Variants in PARD3 observed in about 807,000 individuals in gnomAD.
PARD3 encodes par-3 family cell polarity regulator, also known as partitioning defective 3 homolog.
PARD3 carries 75 observed loss-of-function variants against 155.4 expected under a neutral mutation model. That is an observed-to-expected ratio of 0.48 (90% confidence interval 0.40 to 0.58). PARD3 has a LOEUF of 0.58. Among genes scored for constraint, PARD3 ranks in the 20% least tolerant of loss-of-function variants. PARD3 has a pLI of 0.00. For synonymous variants in PARD3, 576 were observed against 610.5 expected (o/e 0.94, Z 0.83); for missense variants, 1,642 against 1,721.7 (o/e 0.95, Z 0.82).
At chr10:34,391,172 T>C (rs1842836997) in intron 7 of PARD3, among the ~76,000 whole-genome samples, 1 of 152,130 alleles carries the variant, frequency 6.6e-6, no homozygotes, top group Non-Finnish European at 1.5e-5. Context: ...CACCCTTTGC[T>C]GACCTTCTAT....
chr10:34,331,309 G>T lies in PARD3; in HGVS notation c.2641C>A (p.Leu881Met), dbSNP rs372479448. 4.3e-6 allele frequency: 7 copies of T among 1,613,690 alleles called. No individual in the cohort carries two copies. In the African/African-American group the frequency reaches 8.0e-5, roughly 18 times the overall value. Residue 881 changes from leucine to methionine, a missense_variant, in exon 19 of 25, where the codon CTG becomes ATG. Transcript: ENST00000374788. ...PSRDVGPSLG[L>M]KKSSSLESLQ... ...CTCTCCAACGAGCTTGACTTCTTCA[G>T]ACCCAGGGAAGGACCCACATCTCTG...
chr10:34,114,175 T>C (rs1334555891), intron 24 of PARD3, among the ~76,000 whole-genome samples: 7 of 151,778 alleles, frequency 4.6e-5, no homozygotes, highest in Non-Finnish European at 8.8e-5. Flanking sequence ...GGTGGGAGAA[T>C]TGCTTGAGCC....
At chr10:34,369,169 A>G (rs1019647635) in intron 12 of PARD3, among the ~76,000 whole-genome samples, 1 of 152,144 alleles carries the variant, frequency 6.6e-6, no homozygotes, top group African/African-American at 2.4e-5. Flanking sequence ...TTTCAATAGG[A>G]TAATATCACC....
At chr10:34,278,495 C>T (rs918242130) in intron 21 of PARD3, among the ~76,000 whole-genome samples, 10 of 152,258 alleles carry the variant, frequency 6.6e-5, no homozygotes, top group African/African-American at 2.2e-4. Flanking sequence ...ATAATCCCCA[C>T]GTGTCATGGG....
chr10:34,737,378 T>C, intron 1 of PARD3, among the ~76,000 whole-genome samples: 1 of 152,128 alleles, frequency 6.6e-6, no homozygotes, highest in South Asian at 2.1e-4. Flanking sequence ...CATTTTGCCT[T>C]AAAGGACAGC....
intron 22 of PARD3, among the ~76,000 whole-genome samples, chr10:34,227,060 A>G (rs918024327): frequency 1.4e-4 from 21 of 152,240 alleles, no homozygotes; most frequent in African/African-American, 5.1e-4. Flanking sequence ...AAAAGAAACT[A>G]TCAACAGAGT....
At chr10:34,339,199 C>A (rs1032113928) in intron 16 of PARD3, among the ~76,000 whole-genome samples, 3 of 152,108 alleles carry the variant, frequency 2.0e-5, no homozygotes, top group African/African-American at 7.2e-5. Context: ...CACATGCTAA[C>A]CAATTCTTTT....
chr10:34,574,340 T>C (rs1409778776), intron 2 of PARD3, among the ~76,000 whole-genome samples: 1 of 152,218 alleles, frequency 6.6e-6, no homozygotes. Flanking sequence ...CAGACATATC[T>C]AGTCTCTCAG....
chr10:34,672,360 A>AG (rs1450569755), intron 2 of PARD3, among the ~76,000 whole-genome samples: 1 of 152,214 alleles, frequency 6.6e-6, no homozygotes, highest in African/African-American at 2.4e-5. Context: ...CTGAGCACCC[A>AG]CTCATTCTAA....
At chr10:34,814,472 G>C (rs866250339) in intron 1 of PARD3, among the ~76,000 whole-genome samples, 98 of 152,218 alleles carry the variant, frequency 6.4e-4, no homozygotes, top group African/African-American at 2.2e-3. Flanking sequence ...TGTGCCCCCG[G>C]GGCCTGGGAG....
chr10:34,438,058 G>A (rs1231779599), intron 5 of PARD3, among the ~76,000 whole-genome samples: 1 of 152,092 alleles, frequency 6.6e-6, no homozygotes, highest in Non-Finnish European at 1.5e-5. Context: ...AGCCTCTGGA[G>A]AGCCAGGTGG....
chr10:34,508,732 CA>C (rs2081231270), intron 3 of PARD3, among the ~76,000 whole-genome samples: 1 of 152,146 alleles, frequency 6.6e-6, no homozygotes, highest in African/African-American at 2.4e-5. Flanking sequence ...AGTTCCACTC[CA>C]TCTACCTAAG....
chr10:34,331,431 T>C (rs1835604455), intron 18 of PARD3, 87 bp from the exon 19 acceptor site: 3 of 738,838 alleles, frequency 4.1e-6, no homozygotes, highest in Admixed American at 2.3e-5. Flanking sequence ...TTCAGGTACA[T>C]AACAATTATT....
chr10:34,155,008 A>G (rs1166706194), intron 22 of PARD3, among the ~76,000 whole-genome samples: 1 of 152,218 alleles, frequency 6.6e-6, no homozygotes. Context: ...AATAGACAAG[A>G]CATTAAGTGA....
At chr10:34,310,507 A>G (rs1957645847) in intron 20 of PARD3, among the ~76,000 whole-genome samples, 1 of 152,210 alleles carries the variant, frequency 6.6e-6, no homozygotes, top group African/African-American at 2.4e-5. Flanking sequence ...TTCTATATTC[A>G]TGCCACAGGT....
chr10:34,692,113 T>C (rs1335820694), intron 2 of PARD3, among the ~76,000 whole-genome samples: 2 of 151,854 alleles, frequency 1.3e-5, no homozygotes, highest in African/African-American at 2.4e-5. Flanking sequence ...GCACCTGTAA[T>C]CCCAGCTACT....
chr10:34,672,637 C>A (rs2093629954), intron 2 of PARD3, among the ~76,000 whole-genome samples: 1 of 152,186 alleles, frequency 6.6e-6, no homozygotes, highest in Non-Finnish European at 1.5e-5. Context: ...GAGCTATGAT[C>A]ACACTACTGA....
chr10:34,525,865 G>A (rs1387609499), intron 2 of PARD3, among the ~76,000 whole-genome samples: 4 of 151,922 alleles, frequency 2.6e-5, no homozygotes, highest in Non-Finnish European at 5.9e-5. Context: ...GGTAGATCAT[G>A]AGGTCAAGAG....
rs181137551 is a variant in PARD3, at chr10:34,509,202, A to G, written c.403+7777T>C. Among the ~76,000 whole-genome samples, 18 of 152,330 alleles carry G rather than the reference A, an allele frequency of 1.2e-4. 1 individual carries two copies. The highest frequency in any genetic ancestry group is 4.1e-4 in the African/African-American group (17 of 41,574). On this transcript the variant is annotated intron_variant, in intron 3 of 24. Transcript: ENST00000374788. ...ACCCCAACAGTTATGTAGAATATCT[A>G]GTAACCAGTTTCCTTCAGAGCAGAA...
Sources: allele counts gnomAD v4.1 joint callset (sites outside exome capture counted in the v4.1 genomes callset), GRCh38; gene constraint gnomAD v4.1.1; transcripts MANE v1.5; gene names NCBI Gene and HGNC (gene_info 2026-07-23, HGNC 2026-07-21).